The following HCN1 variants were observed in gnomAD, a reference collection of about 807,000 sequenced individuals.
HCN1 encodes potassium/sodium hyperpolarization-activated cyclic nucleotide-gated channel 1.
A neutral mutation model predicts 78.9 loss-of-function variants in HCN1; 13 were observed. That is an observed-to-expected ratio of 0.16 (90% CI 0.11 to 0.26). The LOEUF (loss-of-function observed/expected upper bound fraction) is 0.26, where lower values mean the gene tolerates loss of function less well. Ranked by LOEUF, HCN1 falls within the 10% of genes least tolerant of loss-of-function variation. The probability of loss-of-function intolerance (pLI) is 1.00; values close to 1 mark genes in which losing one functional copy is unlikely to be tolerated. For synonymous variants in HCN1, 552 were observed against 455.5 expected, an observed-to-expected ratio of 1.21 and a Z score of -2.70; for missense variants, 810 against 1,154.3, an observed-to-expected ratio of 0.70 and a Z score of 4.32.
chr5:45,413,483 A>T (rs553436587), intron 3 of HCN1, among the ~76,000 whole-genome samples: 2 of 152,044 alleles, frequency 1.3e-5, no homozygotes, highest in South Asian at 4.1e-4. Flanking sequence ...CTGACTGATG[A>T]TTCCAATTAT....
chr5:45,592,743 G>A (rs1433354388), intron 2 of HCN1, among the ~76,000 whole-genome samples: 1 of 151,976 alleles, frequency 6.6e-6, no homozygotes, highest in African/African-American at 2.4e-5. Context: ...TAGTTTAGAG[G>A]GATATGTATT....
At chr5:45,334,210 T>A (rs1406820246) in intron 5 of HCN1, among the ~76,000 whole-genome samples, 1 of 151,902 alleles carries the variant, frequency 6.6e-6, no homozygotes, top group East Asian at 1.9e-4. Flanking sequence ...AAGTTATTTA[T>A]TCTCTAGTTT....
chr5:45,507,937 T>C (rs1469339433), intron 2 of HCN1, among the ~76,000 whole-genome samples: 2 of 152,140 alleles, frequency 1.3e-5, no homozygotes, highest in Admixed American at 1.3e-4. Flanking sequence ...ACATATAACA[T>C]TATATGTGTG....
intron 3 of HCN1, among the ~76,000 whole-genome samples, chr5:45,396,916 G>A (rs757088888): frequency 1.1e-4 from 17 of 152,168 alleles, no homozygotes; most frequent in Non-Finnish European, 2.2e-4. Flanking sequence ...GAAACAGTCT[G>A]CTGTTACTTA....
chr5:45,388,243 CT>C (rs1490495355), intron 4 of HCN1, among the ~76,000 whole-genome samples: 1 of 152,176 alleles, frequency 6.6e-6, no homozygotes, highest in African/African-American at 2.4e-5. Context: ...ACCTAAATCT[CT>C]TCTCTGCTTG....
chr5:45,446,180 G>A lies in HCN1; in HGVS notation c.1011+15666C>T, dbSNP rs578167836. On this transcript the variant is annotated intron_variant, in intron 3 of 7. Transcript: ENST00000303230. ...ATGTATAACTAGAATAACCAATACA[G>A]AGAAGTGCTTAAAGGAGCTGATGGA... 3.9e-5 allele frequency among the ~76,000 whole-genome samples: 6 copies of A among 152,330 alleles called. No individual in the cohort carries two copies. The South Asian group carries it at 1.0e-3, about 26-fold the overall frequency.
intron 3 of HCN1, among the ~76,000 whole-genome samples, chr5:45,444,711 C>T (rs1344671616): frequency 3.3e-5 from 5 of 152,052 alleles, no homozygotes; most frequent in Non-Finnish European, 7.4e-5. Context: ...CTAGCCACTT[C>T]TTTTTTGCTT....
At chr5:45,498,027 T>A (rs2111722512) in intron 2 of HCN1, among the ~76,000 whole-genome samples, 1 of 152,312 alleles carries the variant, frequency 6.6e-6, no homozygotes, top group Middle Eastern at 3.4e-3. Context: ...CATTTTTTCC[T>A]TCATTTCAAC....
At chr5:45,304,188 T>C (rs1745682283) in intron 5 of HCN1, among the ~76,000 whole-genome samples, 1 of 152,136 alleles carries the variant, frequency 6.6e-6, no homozygotes, top group African/African-American at 2.4e-5. Context: ...CTTCCTTTTA[T>C]CTTTTATTTA....
chr5:45,349,231 A>G (rs903947836), intron 5 of HCN1, among the ~76,000 whole-genome samples: 4 of 152,186 alleles, frequency 2.6e-5, no homozygotes, highest in Non-Finnish European at 5.9e-5. Flanking sequence ...ACTCAAAGCC[A>G]CTCAACTACA....
chr5:45,333,402 T>A (rs989871593), intron 5 of HCN1, among the ~76,000 whole-genome samples: 2 of 151,826 alleles, frequency 1.3e-5, no homozygotes, highest in Admixed American at 6.6e-5. Flanking sequence ...CCTTATTAGA[T>A]GGGTGTGTTG....
chr5:45,508,992 T>C (rs188385532), intron 2 of HCN1, among the ~76,000 whole-genome samples: 2 of 152,230 alleles, frequency 1.3e-5, no homozygotes, highest in Admixed American at 6.5e-5. Context: ...TATAGTCAAG[T>C]CTGCAAATAT....
intron 3 of HCN1, among the ~76,000 whole-genome samples, chr5:45,398,070 T>A (rs2112042127): frequency 6.6e-6 from 1 of 151,956 alleles, no homozygotes; most frequent in South Asian, 2.1e-4. Context: ...GGCTGTGAGA[T>A]TAGGGTCAAC....
intron 4 of HCN1, among the ~76,000 whole-genome samples, chr5:45,391,432 A>G (rs941989036): frequency 6.6e-6 from 1 of 152,208 alleles, no homozygotes; most frequent in Non-Finnish European, 1.5e-5. Flanking sequence ...GATGGGCTAT[A>G]AAACAGGATG....
At chr5:45,545,958 T>A (rs1743216061) in intron 2 of HCN1, among the ~76,000 whole-genome samples, 1 of 152,050 alleles carries the variant, frequency 6.6e-6, no homozygotes, top group Non-Finnish European at 1.5e-5. Flanking sequence ...CCGTGTAATC[T>A]TCATTTAAGC....
At chr5:45,344,930 G>A (rs1216597139) in intron 5 of HCN1, among the ~76,000 whole-genome samples, 1 of 152,114 alleles carries the variant, frequency 6.6e-6, no homozygotes, top group African/African-American at 2.4e-5. Context: ...CTCCCTGTGG[G>A]GGTTCTGACC....
chr5:45,398,572 A>C (rs1269134321), intron 3 of HCN1, among the ~76,000 whole-genome samples: 1 of 152,194 alleles, frequency 6.6e-6, no homozygotes, highest in East Asian at 1.9e-4. Context: ...ATTGAATTGA[A>C]TGTTAAATTT....
rs1579867117 is a variant in HCN1, at chr5:45,396,666, A to C, written c.1056T>G (p.Ala352=). Reference sequence around the variant, plus strand: ...ACCCAATGCACAGCATGTGACTCATAGCTTTGAAGAGTGCGTATGAATACT... The same window carrying C: ...ACCCAATGCACAGCATGTGACTCATCGCTTTGAAGAGTGCGTATGAATACT... ...GKQYSYALFK[A]MSHMLCIGYG... The change falls in exon 4 of 8, where the codon GCT becomes GCG. Residue 352 remains alanine (A), a synonymous_variant. Coordinates refer to ENST00000303230, the MANE Select transcript of HCN1 (RefSeq NM_021072.4). The C allele has an allele frequency of 6.2e-7, 1 of 1,613,818 alleles. No individual in the cohort carries two copies. Among genetic ancestry groups the C allele is most frequent in the Admixed American group, 1.7e-5 (1 of 59,962 alleles).
chr5:45,305,911 A>G (rs948144483), intron 5 of HCN1, among the ~76,000 whole-genome samples: 1 of 152,014 alleles, frequency 6.6e-6, no homozygotes, highest in Non-Finnish European at 1.5e-5. Context: ...GTTGTAAAAA[A>G]GTACTCATAA....
Sources: allele counts gnomAD v4.1 joint callset (sites outside exome capture counted in the v4.1 genomes callset), GRCh38; gene constraint gnomAD v4.1.1; transcripts MANE v1.5; gene names NCBI Gene and HGNC (gene_info 2026-07-23, HGNC 2026-07-21).